KIF13A: variants seen among roughly 807,000 people sequenced by gnomAD.
KIF13A encodes the protein kinesin-like protein KIF13A.
A neutral mutation model predicts 212.2 loss-of-function variants in KIF13A; 79 were observed. The observed-to-expected ratio is 0.37, with a 90% CI of 0.31 to 0.45. The LOEUF is 0.45. KIF13A is among the 20% of genes least tolerant of loss of function. The pLI, the probability that KIF13A is intolerant of heterozygous loss-of-function variation, is 1.00. For synonymous variants in KIF13A, 789 were observed against 808.6 expected, an observed-to-expected ratio of 0.98 and a Z score of 0.41; for missense variants, 1,901 against 2,209.0, an observed-to-expected ratio of 0.86 and a Z score of 2.79.
intron 4 of KIF13A, among the ~76,000 whole-genome samples, chr6:17,858,366 G>A (rs952057088): frequency 2.0e-5 from 3 of 152,100 alleles, no homozygotes; most frequent in Non-Finnish European, 4.4e-5. Context: ...CTTAAGATCT[G>A]TATGCAAATA....
intron 16 of KIF13A, among the ~76,000 whole-genome samples, chr6:17,821,160 A>G (rs1764398257): frequency 6.6e-6 from 1 of 152,150 alleles, no homozygotes; most frequent in Admixed American, 6.5e-5. Context: ...TGCGCTTGGC[A>G]AAGTTGCACT....
chr6:17,892,087 C>T lies in KIF13A; in HGVS notation c.159+6081G>A, dbSNP rs141006434. ...TGCTAAGCATCCTATCAGATGGCTG[C>T]CATCACTTCCAACTCAGCCCACTCT... On this transcript the variant is annotated intron_variant, in intron 3 of 38. Coordinates refer to ENST00000259711, the MANE Select transcript of KIF13A (RefSeq NM_022113.6). The surrounding 1 kb of genome is among the most constrained non-coding windows in gnomAD (Gnocchi z 4.7). 2.6e-4 allele frequency among the ~76,000 whole-genome samples: 40 copies of T among 152,286 alleles called. No homozygotes were observed. Among genetic ancestry groups the T allele is most frequent in the African/African-American group, 9.4e-4 (39 of 41,560 alleles).
intron 2 of KIF13A, among the ~76,000 whole-genome samples, chr6:17,924,395 T>C (rs1163072752): frequency 2.0e-5 from 3 of 152,208 alleles, no homozygotes; most frequent in Non-Finnish European, 4.4e-5. Flanking sequence ...ATACTCTCAA[T>C]GTTGTTACTT....
At chr6:17,948,580 T>TTTTTTTTTC (rs766779438) in intron 2 of KIF13A, among the ~76,000 whole-genome samples, 2 of 147,126 alleles carry the variant, frequency 1.4e-5, no homozygotes, top group Non-Finnish European at 3.0e-5. Context: ...TTTTTTTTTT[T>TTTTTTTTTC]TGAGACAAGT....
At chr6:17,818,729 G>C (rs1193955184) in intron 16 of KIF13A, among the ~76,000 whole-genome samples, 1 of 152,144 alleles carries the variant, frequency 6.6e-6, no homozygotes, top group Non-Finnish European at 1.5e-5. Flanking sequence ...CTAAACAGCT[G>C]ATCTACAACA....
chr6:17,975,589 C>T (rs1274086178), intron 2 of KIF13A, among the ~76,000 whole-genome samples: 2 of 152,196 alleles, frequency 1.3e-5, no homozygotes, highest in Admixed American at 1.3e-4. Flanking sequence ...GAACAAGTTA[C>T]TGCCGCTAGT....
chr6:17,976,138 G>C (rs1780430918), intron 2 of KIF13A, among the ~76,000 whole-genome samples: 2 of 152,258 alleles, frequency 1.3e-5, no homozygotes, highest in Non-Finnish European at 2.9e-5. Flanking sequence ...TCACCCAGTG[G>C]ATCCCGCACC....
At position 17,771,613 on chromosome 6, in the gene KIF13A, TA is replaced by T; in HGVS notation, c.4476+294del. The T allele has an allele frequency of 2.9e-6, 1 of 342,098 alleles. No homozygotes were observed. Among genetic ancestry groups the T allele is most frequent in the South Asian group, 9.5e-5 (1 of 10,480 alleles). The allele number at this position is 342,098 out of a possible 1,614,324, so 21.2% of individuals were successfully genotyped here. ...AAAAGACAAAAAAGAAAAATAATTT[TA>T]AAAAAGGCCTTTAATCTTTTCAAAA... On this transcript the variant is annotated intron_variant, in intron 37 of 38. Transcript: ENST00000259711. The surrounding 1 kb of genome is among the most constrained non-coding windows in gnomAD (Gnocchi z 5.4).
At chr6:17,763,386 C>T (rs531572702), downstream of KIF13A, among the ~76,000 whole-genome samples, 1 of 143,282 alleles carries the variant, frequency 7.0e-6, no homozygotes, top group African/African-American at 2.6e-5. Flanking sequence ...AGGAGGATCA[C>T]GTGAGCCAGG....
intron 18 of KIF13A, among the ~76,000 whole-genome samples, chr6:17,807,023 A>G (rs1214856768): frequency 1.3e-5 from 2 of 152,216 alleles, no homozygotes; most frequent in African/African-American, 4.8e-5. Context: ...GCCTGTCTTT[A>G]CTTTTATCTC....
intron 2 of KIF13A, among the ~76,000 whole-genome samples, chr6:17,959,320 C>T (rs1028763728): frequency 6.6e-6 from 1 of 152,162 alleles, no homozygotes; most frequent in South Asian, 2.1e-4. Context: ...CATGCCCATA[C>T]AAAGCAATGC....
chr6:17,782,633 T>TCAAAACAAAACAAAA (rs11271505), intron 29 of KIF13A, among the ~76,000 whole-genome samples: 25,005 of 149,874 alleles, frequency 0.17, 2,229 homozygotes, highest in South Asian at 0.27. Flanking sequence ...AGACTCTGTC[T>TCAAAACAAAACAAAA]CAAAACAAAA....
chr6:17,974,575 G>A (rs1000814754), intron 2 of KIF13A, among the ~76,000 whole-genome samples: 3 of 151,674 alleles, frequency 2.0e-5, no homozygotes, highest in Non-Finnish European at 4.4e-5. Context: ...GAATTCATGG[G>A]TATTAGTAAA....
chr6:17,930,149 C>T (rs567671411), intron 2 of KIF13A, among the ~76,000 whole-genome samples: 10 of 152,168 alleles, frequency 6.6e-5, no homozygotes, highest in African/African-American at 1.9e-4. Flanking sequence ...CCAAGTGCTA[C>T]GGAAACTAGA....
chr6:17,922,238 G>A (rs1244285653), intron 2 of KIF13A, among the ~76,000 whole-genome samples: 1 of 152,190 alleles, frequency 6.6e-6, no homozygotes, highest in Non-Finnish European at 1.5e-5. Context: ...CTCCAGAAAT[G>A]AGAACATCTA....
chr6:17,800,145 AACAG>A, intron 20 of KIF13A, 32 bp from the exon 21 acceptor site: 7 of 1,601,922 alleles, frequency 4.4e-6, no homozygotes, highest in African/African-American at 1.3e-5. Flanking sequence ...CCTTAGAGTG[AACAG>A]ACATCCTGTG....
At position 17,764,789 on chromosome 6, in the gene KIF13A, C is replaced by T. The variant is rs1758796898; in HGVS notation, c.4739G>A (p.Arg1580Gln). The change falls in exon 39 of 39, where the codon CGG becomes CAG. Residue 1580 changes from arginine to glutamine, a missense_variant. Coordinates refer to ENST00000259711, the MANE Select transcript of KIF13A (RefSeq NM_022113.6). This position sits in a 1 kb window ranked among gnomAD's most constrained non-coding sequence, Gnocchi z 5.1. ...ACGGGACACTTCTTTCTCCAAGACC[C>T]GTGAGTTTGACAGATCTACTTTAGA... ...FSSKVDLSNS[R>Q]VLEKEVSRSP... 6 of 1,612,990 alleles carry T rather than the reference C, an allele frequency of 3.7e-6. No individual in the cohort carries two copies. Among genetic ancestry groups the T allele is most frequent in the Non-Finnish European group, 5.1e-6 (6 of 1,179,550 alleles).
At position 17,787,930 on chromosome 6, in the gene KIF13A, T is replaced by G. The variant is rs567036233; in HGVS notation, c.3262-55A>C. On this transcript the variant is annotated intron_variant, in intron 26 of 38. Transcript: ENST00000259711. This position sits in a 1 kb window ranked among gnomAD's most constrained non-coding sequence, Gnocchi z 4.6. Reference sequence around the variant, plus strand: ...GTAGACTGCACAGACAACGATTTCTTTCTTTCTTTTTTTAAAAGATGTTTA... The same window carrying G: ...GTAGACTGCACAGACAACGATTTCTGTCTTTCTTTTTTTAAAAGATGTTTA... 665 of 969,950 alleles carry G rather than the reference T, an allele frequency of 6.9e-4. 11 individuals carry two copies. In the South Asian group the frequency reaches 8.9e-3, roughly 13 times the overall value. 60.1% of individuals were successfully genotyped at this position (969,950 alleles called of 1,614,324 possible).
intron 2 of KIF13A, among the ~76,000 whole-genome samples, chr6:17,970,882 C>T (rs1779754313): frequency 6.6e-6 from 1 of 152,202 alleles, no homozygotes; most frequent in South Asian, 2.1e-4. Context: ...TATTTATACT[C>T]AACAGGTATC....
Sources: allele counts gnomAD v4.1 joint callset (sites outside exome capture counted in the v4.1 genomes callset), GRCh38; gene constraint gnomAD v4.1.1; non-coding constraint Gnocchi (gnomAD v3.1); transcripts MANE v1.5; gene names NCBI Gene and HGNC (gene_info 2026-07-23, HGNC 2026-07-21).